Variants in ATP6V1B1 observed in about 807,000 individuals in gnomAD.
ATP6V1B1 encodes the protein ATPase H+ transporting V1 subunit B1.
Under a neutral mutation model 62.1 loss-of-function variants are expected in ATP6V1B1, and 41 were observed. The observed-to-expected ratio is 0.66, with a 90% confidence interval of 0.51 to 0.86. The LOEUF is 0.86. Ranked by LOEUF, ATP6V1B1 falls within the 40% of genes least tolerant of loss-of-function variation. ATP6V1B1 has a pLI of 0.00. For missense variants in ATP6V1B1, 651 were observed against 697.5 expected, an observed-to-expected ratio of 0.93 and a Z score of 0.75; for synonymous variants, 253 against 273.4, an observed-to-expected ratio of 0.93 and a Z score of 0.74.
At chr2:70,940,227 TGG>T in intron 1 of ATP6V1B1, 1 of 336,388 alleles carries the variant, frequency 3.0e-6, no homozygotes, top group Non-Finnish European at 4.2e-6. Flanking sequence ...GGCTGTGAAG[TGG>T]GGGAGCAGCT....
At chr2:70,939,107 A>T (rs1428038009) in intron 1 of ATP6V1B1, among the ~76,000 whole-genome samples, 1 of 152,214 alleles carries the variant, frequency 6.6e-6, no homozygotes, top group Non-Finnish European at 1.5e-5. Flanking sequence ...GGCCTCACGC[A>T]TGGGCGCCTG....
chr2:70,957,532 G>C (rs1426177637), intron 2 of ATP6V1B1, among the ~76,000 whole-genome samples: 3 of 152,150 alleles, frequency 2.0e-5, no homozygotes, highest in African/African-American at 4.8e-5. Flanking sequence ...CACTTTGCGA[G>C]TGTGTTTACC....
At chr2:70,960,869 CA>C (rs1680567726) in intron 6 of ATP6V1B1, 51 bp from the exon 7 acceptor site, 2 of 1,501,300 alleles carry the variant, frequency 1.3e-6, no homozygotes, top group Admixed American at 1.9e-5. Context: ...CTCAGTGGGA[CA>C]GGGGTCAGCT....
In ATP6V1B1 at chr2:70,943,480, G is replaced by A. The variant is rs782708221; in HGVS notation, c.119-178G>A. On this transcript the variant is annotated intron_variant, in intron 1 of 13. Coordinates refer to ENST00000234396, the MANE Select transcript of ATP6V1B1 (RefSeq NM_001692.4). ...GTGTCCGAGCAGCAGGGGCCCTGCG[G>A]GCAGGGGCATGACCCTTACAGCAAT... is the stretch of plus-strand genomic sequence containing the variant. 2.0e-5 allele frequency: 15 copies of A among 744,436 alleles called. No homozygotes were observed. The South Asian group carries it at 2.2e-4, about 11-fold the overall frequency. 46.1% of individuals were successfully genotyped at this position (744,436 alleles called of 1,614,324 possible). A position where few individuals can be genotyped will look rare whatever the true frequency, so the allele number is the denominator to read the frequency against.
At chr2:70,941,266 G>A (rs1477889234) in intron 1 of ATP6V1B1, 3 of 984,540 alleles carry the variant, frequency 3.0e-6, no homozygotes, top group East Asian at 2.3e-4. Flanking sequence ...TCCATGAAGT[G>A]GGACACAACG....
chr2:70,964,602 A>G (rs1680673529), intron 12 of ATP6V1B1, 60 bp downstream of exon 12: 1 of 1,609,916 alleles, frequency 6.2e-7, no homozygotes, highest in South Asian at 1.1e-5. Flanking sequence ...TGAAGGCCTG[A>G]GCCCCATCTG....
chr2:70,951,445 T>G (rs1387941387), intron 2 of ATP6V1B1, among the ~76,000 whole-genome samples: 1 of 152,206 alleles, frequency 6.6e-6, no homozygotes, highest in African/African-American at 2.4e-5. Context: ...GTAGCATTTT[T>G]TTTTTCACTC....
At chr2:70,950,361 T>C (rs985491169) in intron 2 of ATP6V1B1, among the ~76,000 whole-genome samples, 2 of 152,198 alleles carry the variant, frequency 1.3e-5, no homozygotes, top group African/African-American at 4.8e-5. Flanking sequence ...AAATAAACAA[T>C]AATCCATTAG....
In ATP6V1B1 at chr2:70,959,987, A is replaced by C. The variant is rs369079810; in HGVS notation, c.494A>C (p.Gln165Pro). 1.9e-6 allele frequency: 3 copies of C among 1,614,224 alleles called. No individual in the cohort carries two copies. ...CGCATCTACCCCGAGGAGATGATTC[A>C]GACGGGCATTTCTCCTATTGACGTC... ...HSRIYPEEMI[Q>P]TGISPIDVMN... The change falls in exon 6 of 14, where the codon CAG (glutamine) becomes CCG (proline). Residue 165 changes from glutamine (Q) to proline (P), a missense_variant. Physicochemically the swap from Gln to Pro is moderately conservative, Grantham distance 76. Coordinates refer to ENST00000234396, the MANE Select transcript of ATP6V1B1 (RefSeq NM_001692.4). This position sits in a 1 kb window ranked among gnomAD's most constrained non-coding sequence, Gnocchi z 4.2.
In ATP6V1B1 at chr2:70,965,136, G is replaced by A. The variant is rs1553420862; in HGVS notation, c.*15G>A. ...CTGCGCTCTAGCCCCGCGCGCCGTG[G>A]CACCCCAACACCGGCAGGGAACCTA... On this transcript the variant is annotated 3_prime_UTR_variant, in exon 14 of 14. Transcript: ENST00000234396. 1.9e-6 allele frequency: 3 copies of A among 1,606,074 alleles called. No homozygotes were observed. The highest frequency in any genetic ancestry group is 1.7e-6 in the Non-Finnish European group (2 of 1,179,792).
intron 2 of ATP6V1B1, among the ~76,000 whole-genome samples, chr2:70,949,301 T>C (rs1158953033): frequency 6.6e-6 from 1 of 152,204 alleles, no homozygotes; most frequent in Non-Finnish European, 1.5e-5. Flanking sequence ...GGCGATAGTA[T>C]GGATGTACTG....
intron 1 of ATP6V1B1, among the ~76,000 whole-genome samples, chr2:70,936,823 C>G (rs530646249): frequency 1.3e-5 from 2 of 152,104 alleles, no homozygotes; most frequent in African/African-American, 4.8e-5. Context: ...GATAAGAATG[C>G]GTATCCAGGT....
At chr2:70,951,604 C>T (rs1024954335) in intron 2 of ATP6V1B1, among the ~76,000 whole-genome samples, 1 of 152,146 alleles carries the variant, frequency 6.6e-6, no homozygotes, top group African/African-American at 2.4e-5. Flanking sequence ...TCAACCACCA[C>T]CTTTAAAAAA....
chr2:70,946,880 C>G (rs1553417453), intron 2 of ATP6V1B1, among the ~76,000 whole-genome samples: 1 of 152,120 alleles, frequency 6.6e-6, no homozygotes, highest in Non-Finnish European at 1.5e-5. Flanking sequence ...GTCCCCAGAC[C>G]TGTGGTTTTG....
chr2:70,959,361 G>C lies in ATP6V1B1; in HGVS notation c.445+266G>C, dbSNP rs1680524815. ...CCTTTGGCTTCCTGTCCACAATCCT[G>C]AGAATGGGCTGCGGTGCTCTGCCGG... On this transcript the variant is annotated intron_variant, in intron 5 of 13. Transcript: ENST00000234396. The surrounding 1 kb of genome is among the most constrained non-coding windows in gnomAD (Gnocchi z 4.2). 6.6e-6 allele frequency among the ~76,000 whole-genome samples: 1 copy of C among 152,206 alleles called. No individual in the cohort carries two copies. Among genetic ancestry groups the C allele is most frequent in the African/African-American group, 2.4e-5 (1 of 41,454 alleles).
intron 1 of ATP6V1B1, chr2:70,938,731 T>TC (rs1228610424): frequency 2.0e-6 from 2 of 985,188 alleles, no homozygotes; most frequent in East Asian, 2.3e-4. Context: ...GGGCCTTGGC[T>TC]CCCGGCTGGG....
chr2:70,940,193 C>A (rs1006258737), intron 1 of ATP6V1B1: 19 of 206,778 alleles, frequency 9.2e-5, no homozygotes, highest in African/African-American at 4.2e-4. Flanking sequence ...GATGTCAGGG[C>A]TAATGGGGAT....
chr2:70,956,600 A>ATTATT lies in ATP6V1B1; in HGVS notation c.175-1433_175-1429dup, dbSNP rs1553419100. 1.3e-5 allele frequency among the ~76,000 whole-genome samples: 2 copies of ATTATT among 151,928 alleles called. 1 individual carries two copies. The highest frequency in any genetic ancestry group is 3.8e-4 in the East Asian group (2 of 5,200). On this transcript the variant is annotated intron_variant, in intron 2 of 13. Coordinates refer to ENST00000234396, the MANE Select transcript of ATP6V1B1 (RefSeq NM_001692.4). Reference sequence around the variant, plus strand: ...CTTCACATCCTCAACACTTGTTATTATTATTTTATTTTATTTTTTTGAGAC... The same window carrying ATTATT: ...CTTCACATCCTCAACACTTGTTATTATTATTTTATTTTATTTTATTTTTTTGAGAC...
chr2:70,951,821 C>A (rs564760806), intron 2 of ATP6V1B1, among the ~76,000 whole-genome samples: 167 of 152,120 alleles, frequency 1.1e-3, no homozygotes, highest in Non-Finnish European at 1.9e-3. Flanking sequence ...ATCGCTTGAA[C>A]CCAGGAGGCA....
Sources: allele counts gnomAD v4.1 joint callset (sites outside exome capture counted in the v4.1 genomes callset), GRCh38; gene constraint gnomAD v4.1.1; non-coding constraint Gnocchi (gnomAD v3.1); transcripts MANE v1.5; gene names NCBI Gene and HGNC (gene_info 2026-07-23, HGNC 2026-07-21).